The following LRRK2 variants were observed in gnomAD, a reference collection of about 807,000 sequenced individuals.
LRRK2 encodes the protein leucine-rich repeat serine/threonine-protein kinase 2.
Under a neutral mutation model 302.6 loss-of-function variants are expected in LRRK2, and 203 were observed. That is an observed-to-expected ratio of 0.67 (90% CI 0.60 to 0.75). The LOEUF (loss-of-function observed/expected upper bound fraction) is 0.75. Ranked by LOEUF, LRRK2 falls within the 30% of genes least tolerant of loss-of-function variation. The pLI, the probability that LRRK2 is intolerant of heterozygous loss-of-function variation, is 0.00. For synonymous variants in LRRK2, 1,066 were observed against 1,031.9 expected (o/e 1.03, Z -0.63); for missense variants, 2,830 against 2,951.0 (o/e 0.96, Z 0.95).
chr12:40,344,997 C>T (rs1221388390), intron 41 of LRRK2, among the ~76,000 whole-genome samples: 1 of 152,132 alleles, frequency 6.6e-6, no homozygotes, highest in East Asian at 1.9e-4. Context: ...TCCAACTCTT[C>T]ATGCTTTTCC....
At chr12:40,364,526 T>C (rs953908681) in intron 48 of LRRK2, among the ~76,000 whole-genome samples, 29 of 151,878 alleles carry the variant, frequency 1.9e-4, no homozygotes, top group Non-Finnish European at 2.9e-4. Context: ...CTTTTTTTTT[T>C]CTTTATCCTG....
chr12:40,348,116 A>G (rs1281901990), intron 42 of LRRK2, among the ~76,000 whole-genome samples: 1 of 152,208 alleles, frequency 6.6e-6, no homozygotes, highest in Non-Finnish European at 1.5e-5. Flanking sequence ...TATGAGTAAA[A>G]GTGTTTCCAA....
In LRRK2 at chr12:40,230,668, C is replaced by CTCT. The variant is rs1555172571; in HGVS notation, c.238-1605_238-1604insCTT. ...TAGAGGGTACATATATGCACTTTCTCTTTTTTTTTTTTTTTTTGACCATGT... is the reference window on the plus strand; with the variant it reads ...TAGAGGGTACATATATGCACTTTCTCTCTTTTTTTTTTTTTTTTTTGACCATGT... On this transcript the variant is annotated intron_variant, in intron 2 of 50. Transcript: ENST00000298910. 4.4e-5 allele frequency among the ~76,000 whole-genome samples: 6 copies of CTCT among 135,316 alleles called. No homozygotes were observed. In the South Asian group the frequency reaches 6.9e-4, roughly 16 times the overall value. The allele number at this position is 135,316 out of a possible 152,430, so 88.8% of individuals were successfully genotyped here. A position where few individuals can be genotyped will look rare whatever the true frequency, so the allele number is the denominator to read the frequency against.
chr12:40,247,520 A>G (rs1347413074), intron 7 of LRRK2, among the ~76,000 whole-genome samples: 1 of 66,642 alleles, frequency 1.5e-5, no homozygotes, highest in Non-Finnish European at 3.2e-5. Flanking sequence ...ATATAAATAT[A>G]CATACAAATG....
At chr12:40,329,076 A>G (rs977647225) in intron 39 of LRRK2, among the ~76,000 whole-genome samples, 6 of 152,198 alleles carry the variant, frequency 3.9e-5, no homozygotes, top group African/African-American at 1.4e-4. Context: ...AAGGTTAGAA[A>G]TCTTAAACTA....
chr12:40,290,209 T>A (rs1479182388), intron 20 of LRRK2, among the ~76,000 whole-genome samples: 1 of 152,062 alleles, frequency 6.6e-6, no homozygotes, highest in East Asian at 1.9e-4. Flanking sequence ...TTTGTTAATA[T>A]GGTCAAATAC....
At chr12:40,284,187 T>A in intron 19 of LRRK2, 54 bp downstream of exon 19, 3 of 1,486,496 alleles carry the variant, frequency 2.0e-6, no homozygotes, top group South Asian at 1.2e-5. Context: ...AGTATTTTTT[T>A]AAGTCACTAG....
At chr12:40,245,153 T>C (rs1941923398) in intron 7 of LRRK2, among the ~76,000 whole-genome samples, 1 of 152,146 alleles carries the variant, frequency 6.6e-6, no homozygotes. Context: ...TCTTAATCTG[T>C]CCTTTCCCTA....
In LRRK2 at chr12:40,274,942, T is replaced by C. The variant is rs1285441073; in HGVS notation, c.1890T>C (p.Ile630=). 1 of 1,613,982 alleles carries C rather than the reference T, an allele frequency of 6.2e-7. No homozygotes were observed. Among genetic ancestry groups the C allele is most frequent in the East Asian group, 2.2e-5 (1 of 44,836 alleles). ...FIGTGHLLAK[I]LVSSLYRFKD... is the part of the protein sequence containing the mutation. ...GAACTGGACATCTGCTGGCAAAAAT[T>C]CTGGTTTCCAGCTTATACCGATTTA... The change falls in exon 16 of 51, where the codon ATT becomes ATC. Residue 630 remains isoleucine (I), a synonymous_variant. Transcript: ENST00000298910.
intron 11 of LRRK2, among the ~76,000 whole-genome samples, chr12:40,255,236 A>C (rs1357932338): frequency 6.6e-6 from 1 of 152,202 alleles, no homozygotes; most frequent in East Asian, 1.9e-4. Context: ...TTAAGAATAA[A>C]AAATGAAGCA....
chr12:40,293,673 A>T lies in LRRK2; in HGVS notation c.2808+10A>T, dbSNP rs1400683313. On this transcript the variant is annotated intron_variant, in intron 21 of 50. Coordinates refer to ENST00000298910, the MANE Select transcript of LRRK2 (RefSeq NM_198578.4). ...ACATTCCAATTCCTTGGTAAGTTAA[A>T]TTGTGCAATTGTGATTATGTTGTGT... is the stretch of plus-strand genomic sequence containing the variant. 1.3e-6 allele frequency: 2 copies of T among 1,523,550 alleles called. No individual in the cohort carries two copies. The highest frequency in any genetic ancestry group is 1.8e-6 in the Non-Finnish European group (2 of 1,098,820). The allele number at this position is 1,523,550 out of a possible 1,614,324, so 94.4% of individuals were successfully genotyped here.
At chr12:40,228,433 C>CTTTTTTTTT (rs35333613) in intron 2 of LRRK2, among the ~76,000 whole-genome samples, 21 of 19,306 alleles carry the variant, frequency 1.1e-3, no homozygotes, top group Admixed American at 1.9e-3. Context: ...AAAAATAAGA[C>CTTTTTTTTT]TTTTTTTTTT....
At chr12:40,320,926 A>C in intron 34 of LRRK2, 108 bp from the exon 35 acceptor site, 2 of 1,315,846 alleles carry the variant, frequency 1.5e-6, no homozygotes, top group South Asian at 2.4e-5. Context: ...AAAAGATTAC[A>C]ATTGTTTGGA....
Position 40,249,927 on chromosome 12 carries a change from A to G in LRRK2, c.940A>G (p.Ser314Gly). The G allele has an allele frequency of 6.2e-7, 1 of 1,613,812 alleles. No individual in the cohort carries two copies. The highest frequency in any genetic ancestry group is 8.5e-7 in the Non-Finnish European group (1 of 1,179,814). ...TGCAGCATTGCAGATCTCAGCGCTC[A>G]GCTGTTTGGCCCTCCTCAGTAAGTA... Reference protein sequence around the residue: ...ENAALQISALSCLALLTETIF... With the variant: ...ENAALQISALGCLALLTETIF... The change falls in exon 8 of 51, where the codon AGC (serine) becomes GGC (glycine). Residue 314 changes from serine (S) to glycine (G), a missense_variant. Coordinates refer to ENST00000298910, the MANE Select transcript of LRRK2 (RefSeq NM_198578.4).
Position 40,298,796 on chromosome 12 carries a change from T to TATATATATATATAA in LRRK2, c.3347+306_3347+307insTATATATATAAATA, listed in dbSNP as rs1485268496. On this transcript the variant is annotated intron_variant, in intron 24 of 50. Transcript: ENST00000298910. The stretch of plus-strand genomic sequence containing the variant: ...TCAAAGAAATATATATATATATATA[T>TATATATATATATAA]ATAATATATGTATTATAATATATAA... Among the ~76,000 whole-genome samples the TATATATATATATAA allele has an allele frequency of 1.7e-3, 199 of 117,370 alleles. 8 individuals are homozygous for TATATATATATATAA. The highest frequency in any genetic ancestry group is 5.9e-3 in the African/African-American group (185 of 31,480). 77.0% of individuals were successfully genotyped at this position (117,370 alleles called of 152,430 possible). A position where few individuals can be genotyped will look rare whatever the true frequency, so the allele number is the denominator to read the frequency against.
rs779085159 is a variant in LRRK2, at chr12:40,299,178, C to T, written c.3417C>T (p.Asn1139=). Residue 1139 remains asparagine (N), a synonymous_variant, in exon 25 of 51, where the codon AAC becomes AAT. Transcript: ENST00000298910. ...TGAAGATTTTAAACCTTAGTAAGAACCACATTTCATCCCTATCAGAGAACT... is the reference window on the plus strand; with the variant it reads ...TGAAGATTTTAAACCTTAGTAAGAATCACATTTCATCCCTATCAGAGAACT... The part of the protein sequence containing the change: ...KELKILNLSK[N]HISSLSENFL... 7 of 1,613,420 alleles carry T rather than the reference C, an allele frequency of 4.3e-6. No individual in the cohort carries two copies. The highest frequency in any genetic ancestry group is 5.9e-6 in the Non-Finnish European group (7 of 1,179,764).
intron 47 of LRRK2, among the ~76,000 whole-genome samples, chr12:40,361,997 T>C (rs1275315602): frequency 6.6e-6 from 1 of 152,112 alleles, no homozygotes; most frequent in Non-Finnish European, 1.5e-5. Flanking sequence ...ATGTTAGTCA[T>C]AGGACCTTGA....
chr12:40,315,394 G>A (rs759199910), intron 33 of LRRK2, 94 bp downstream of exon 33: 1 of 1,011,128 alleles, frequency 9.9e-7, no homozygotes, highest in Non-Finnish European at 1.6e-6. Context: ...TTTGGGTTTA[G>A]TTAAGGCAGA....
rs753165671 is a variant in LRRK2 at position 40,232,398 on chromosome 12, T to C, written c.347+15T>C. On this transcript the variant is annotated intron_variant, in intron 3 of 50. Transcript: ENST00000298910. Reference sequence around the variant, plus strand: ...GGTGTTCACCAGTAAGTATGATAGATATGTAAAACAAATGGCCTTGAGTAT... The same window carrying C: ...GGTGTTCACCAGTAAGTATGATAGACATGTAAAACAAATGGCCTTGAGTAT... 3.2e-6 allele frequency: 5 copies of C among 1,578,714 alleles called. No homozygotes were observed. The highest frequency in any genetic ancestry group is 2.2e-5 in the South Asian group (2 of 90,360).
Sources: allele counts gnomAD v4.1 joint callset (sites outside exome capture counted in the v4.1 genomes callset), GRCh38; gene constraint gnomAD v4.1.1; transcripts MANE v1.5; gene names NCBI Gene and HGNC (gene_info 2026-07-23, HGNC 2026-07-21).